Variants in GALNT1 observed in about 807,000 individuals in gnomAD.
The protein encoded by GALNT1 is polypeptide N-acetylgalactosaminyltransferase 1, also known as GalNAc transferase 1.
A neutral mutation model predicts 65.7 loss-of-function variants in GALNT1; 17 were observed. That is an observed-to-expected ratio of 0.26 (90% CI 0.18 to 0.39). The LOEUF (loss-of-function observed/expected upper bound fraction) is 0.39. Among genes scored for constraint, GALNT1 ranks in the 10% least tolerant of loss-of-function variants. The pLI is 1.00. For synonymous variants in GALNT1, 210 were observed against 219.7 expected (o/e 0.96, Z 0.39); for missense variants, 460 against 672.8 (o/e 0.68, Z 3.50).
intron 1 of GALNT1, among the ~76,000 whole-genome samples, chr18:35,612,287 A>G (rs1395778005): frequency 6.6e-6 from 1 of 152,210 alleles, no homozygotes; most frequent in Non-Finnish European, 1.5e-5. Context: ...TCTCCATGAA[A>G]GATAGAAGGA....
chr18:35,672,320 T>C (rs2047648734), intron 3 of GALNT1, among the ~76,000 whole-genome samples: 1 of 152,208 alleles, frequency 6.6e-6, no homozygotes. Context: ...ATTTTTCTAC[T>C]CATTTCCTGA....
chr18:35,653,319 T>A (rs1209781523), intron 1 of GALNT1, among the ~76,000 whole-genome samples: 1 of 152,266 alleles, frequency 6.6e-6, no homozygotes, highest in Non-Finnish European at 1.5e-5. Flanking sequence ...CAGGTTGCTC[T>A]CTAGCAACCT....
chr18:35,704,135 G>T (rs914976569), intron 11 of GALNT1, among the ~76,000 whole-genome samples: 14 of 152,088 alleles, frequency 9.2e-5, no homozygotes, highest in African/African-American at 3.1e-4. Context: ...TACTTAAAAG[G>T]TATTAGTTCA....
chr18:35,631,975 A>G (rs2047018554), intron 1 of GALNT1, among the ~76,000 whole-genome samples: 1 of 152,250 alleles, frequency 6.6e-6, no homozygotes, highest in East Asian at 1.9e-4. Flanking sequence ...TAAAATACCT[A>G]GGAATCCAAC....
intron 9 of GALNT1, among the ~76,000 whole-genome samples, chr18:35,694,536 C>T (rs1255469377): frequency 1.3e-5 from 2 of 152,128 alleles, no homozygotes; most frequent in Admixed American, 6.5e-5. Flanking sequence ...AAAAAATGCT[C>T]AAAAAAGAGA....
chr18:35,583,524 T>A (rs530053320), intron 1 of GALNT1, among the ~76,000 whole-genome samples: 37 of 152,234 alleles, frequency 2.4e-4, no homozygotes, highest in Admixed American at 1.9e-3. Flanking sequence ...TTTCCAGCCA[T>A]GTATCACTGA....
intron 1 of GALNT1, among the ~76,000 whole-genome samples, chr18:35,618,060 G>A (rs2046807443): frequency 6.8e-6 from 1 of 146,360 alleles, no homozygotes. Flanking sequence ...TGATAGCCAA[G>A]CACTTAACAT....
At chr18:35,611,896 C>T (rs1297361133) in intron 1 of GALNT1, among the ~76,000 whole-genome samples, 1 of 152,096 alleles carries the variant, frequency 6.6e-6, no homozygotes, top group Admixed American at 6.5e-5. Context: ...CAAAAGTTTC[C>T]CACAAAGCTT....
intron 1 of GALNT1, among the ~76,000 whole-genome samples, chr18:35,595,077 G>T (rs554925835): frequency 6.6e-4 from 100 of 152,172 alleles, no homozygotes; most frequent in Non-Finnish European, 1.1e-3. Flanking sequence ...AGTTTTTTGG[G>T]ATGGGGCCTA....
chr18:35,691,298 C>T (rs950927074), intron 8 of GALNT1, 106 bp downstream of exon 8: 2 of 893,614 alleles, frequency 2.2e-6, no homozygotes, highest in Admixed American at 2.9e-5. Context: ...GAGGTGAACA[C>T]CTGCCTCATA....
chr18:35,675,649 C>T (rs1241265465), intron 3 of GALNT1, among the ~76,000 whole-genome samples: 1 of 152,152 alleles, frequency 6.6e-6, no homozygotes, highest in Non-Finnish European at 1.5e-5. Flanking sequence ...CTAACAGTAC[C>T]ATTTGTATCT....
At chr18:35,615,250 A>G (rs2046768609) in intron 1 of GALNT1, among the ~76,000 whole-genome samples, 1 of 152,204 alleles carries the variant, frequency 6.6e-6, no homozygotes, top group Admixed American at 6.5e-5. Flanking sequence ...AGCATAGACA[A>G]ATAGATAATG....
chr18:35,688,510 A>G (rs1453209681), intron 6 of GALNT1, among the ~76,000 whole-genome samples: 1 of 152,080 alleles, frequency 6.6e-6, no homozygotes, highest in Non-Finnish European at 1.5e-5. Flanking sequence ...TTAATTTCAC[A>G]TGTTCCCACT....
At chr18:35,703,706 TTATATC>T in intron 11 of GALNT1, 63 bp downstream of exon 11, 1 of 1,496,078 alleles carries the variant, frequency 6.7e-7, no homozygotes, top group Non-Finnish European at 9.1e-7. Context: ...TTTATATACT[TTATATC>T]TAAAGGAATG....
At chr18:35,695,762 A>T (rs1359275465) in intron 9 of GALNT1, among the ~76,000 whole-genome samples, 1 of 152,214 alleles carries the variant, frequency 6.6e-6, no homozygotes. Flanking sequence ...CTGATGCCTC[A>T]TTAATGGGAA....
In GALNT1 at chr18:35,703,647, A is replaced by G. The variant is rs1598813086; in HGVS notation, c.1533+4A>G. ...ACTCTGGGAGTATGACCCAGTGGTA[A>G]GTTATGCAGTTGCCTATAGTAATAA... On this transcript the variant is annotated splice_donor_region_variant and intron_variant, in intron 11 of 11. Transcript: ENST00000269195. 5 of 1,613,618 alleles carry G rather than the reference A, an allele frequency of 3.1e-6. No homozygotes were observed. The East Asian group carries it at 8.9e-5, about 29-fold the overall frequency.
intron 1 of GALNT1, among the ~76,000 whole-genome samples, chr18:35,620,049 C>T (rs540160318): frequency 7.2e-5 from 11 of 152,116 alleles, no homozygotes; most frequent in Non-Finnish European, 1.6e-4. Context: ...ATTCCCTCTT[C>T]CCCCACAAAA....
chr18:35,695,624 T>G (rs938772997), intron 9 of GALNT1, among the ~76,000 whole-genome samples: 2 of 152,204 alleles, frequency 1.3e-5, no homozygotes, highest in Non-Finnish European at 2.9e-5. Context: ...TACGCATTTA[T>G]CCTAACAGTT....
chr18:35,584,864 G>T (rs2143821032), intron 1 of GALNT1, among the ~76,000 whole-genome samples: 1 of 152,316 alleles, frequency 6.6e-6, no homozygotes, highest in South Asian at 2.1e-4. Flanking sequence ...CTCACCTCCT[G>T]CTGTGTGGCC....
Sources: allele counts gnomAD v4.1 joint callset (sites outside exome capture counted in the v4.1 genomes callset), GRCh38; gene constraint gnomAD v4.1.1; transcripts MANE v1.5; gene names NCBI Gene and HGNC (gene_info 2026-07-23, HGNC 2026-07-21).